Variants in FBXO4 observed in about 807,000 individuals in gnomAD.
The protein encoded by FBXO4 is F-box only protein 4.
A neutral mutation model predicts 43.7 loss-of-function variants in FBXO4; 36 were observed. The observed-to-expected ratio is 0.82, with a 90% CI of 0.63 to 1.09. FBXO4 has a LOEUF of 1.09. FBXO4 is among the 50% of genes least tolerant of loss of function. The pLI, the probability that FBXO4 is intolerant of heterozygous loss-of-function variation, is 0.00. For missense variants in FBXO4, 435 were observed against 474.1 expected (o/e 0.92, Z 0.77); for synonymous variants, 180 against 165.6 (o/e 1.09, Z -0.67).
the FBXO4 span, among the ~76,000 whole-genome samples, chr5:42,009,299 G>A: frequency 2.2e-4 from 33 of 151,902 alleles, no homozygotes; most frequent in Middle Eastern, 3.4e-3. Context: ...TAACTCTTGC[G>A]TTCCTTTGGC....
chr5:41,925,883 C>G (rs1210014625), intron 1 of FBXO4, among the ~76,000 whole-genome samples: 1 of 152,174 alleles, frequency 6.6e-6, no homozygotes, highest in Non-Finnish European at 1.5e-5. Flanking sequence ...GTCCCTGTTC[C>G]CAGCGTCTTT....
the FBXO4 span, chr5:41,967,154 C>T: frequency 2.4e-6 from 1 of 410,470 alleles, no homozygotes. Context: ...GTGGCTACTC[C>T]AAGCTCTTTA....
intron 3 of FBXO4, 85 bp from the exon 4 acceptor site, chr5:41,933,861 T>C (rs1751767365): frequency 9.1e-7 from 1 of 1,100,096 alleles, no homozygotes; most frequent in African/African-American, 1.6e-5. Context: ...CTTTACTCTT[T>C]TTGCTTTCAC....
chr5:41,934,205 T>C lies in FBXO4; in HGVS notation c.795T>C (p.Gly265=), dbSNP rs1486565381. 3 of 1,614,026 alleles carry C rather than the reference T, an allele frequency of 1.9e-6. No homozygotes were observed. The highest frequency in any genetic ancestry group is 2.2e-5 in the South Asian group (2 of 91,082). The change falls in exon 5 of 7, where the codon GGT becomes GGC. Residue 265 remains glycine, a synonymous_variant. Transcript: ENST00000281623. ...VNKMFSRHNE[G]DDQQGSRYSV... is the part of the protein sequence containing the mutation. ...AGATGTTCAGTCGACACAATGAAGG[T>C]GATGATCAACAAGGAAGCCGGTACA...
At chr5:42,018,569 T>C in the FBXO4 span, among the ~76,000 whole-genome samples, 70 of 152,158 alleles carry the variant, frequency 4.6e-4, no homozygotes, top group Non-Finnish European at 8.2e-4. Flanking sequence ...TTCTGTTTTT[T>C]ATAAAGTGTA....
chr5:41,967,427 C>T, the FBXO4 span: 3 of 560,068 alleles, frequency 5.4e-6, no homozygotes, highest in Non-Finnish European at 1.0e-5. Flanking sequence ...ATTTGGAACA[C>T]CTGCAACAGA....
At chr5:41,961,301 T>C in the FBXO4 span, among the ~76,000 whole-genome samples, 1 of 152,154 alleles carries the variant, frequency 6.6e-6, no homozygotes, top group Non-Finnish European at 1.5e-5. Context: ...TTTTTTTCTC[T>C]CACTGGGGAA....
intron 5 of FBXO4, among the ~76,000 whole-genome samples, chr5:41,938,689 C>G (rs185717247): frequency 6.6e-6 from 1 of 152,134 alleles, no homozygotes; most frequent in East Asian, 1.9e-4. Flanking sequence ...TGGTTGCATC[C>G]TTTTCTGGAG....
chr5:42,000,492 G>A, the FBXO4 span, among the ~76,000 whole-genome samples: 4 of 152,086 alleles, frequency 2.6e-5, no homozygotes, highest in African/African-American at 7.2e-5. Context: ...AATATCCCTT[G>A]TTGAATATAT....
the FBXO4 span, among the ~76,000 whole-genome samples, chr5:42,032,083 G>T: frequency 1.4e-5 from 2 of 146,384 alleles, no homozygotes; most frequent in Non-Finnish European, 3.0e-5. Flanking sequence ...GTGTGTGTGT[G>T]TGTGTGTGTG....
chr5:42,030,953 A>G, the FBXO4 span, among the ~76,000 whole-genome samples: 1 of 152,154 alleles, frequency 6.6e-6, no homozygotes, highest in Non-Finnish European at 1.5e-5. Context: ...AAAAGTCAGG[A>G]AACAACAGGT....
the FBXO4 span, among the ~76,000 whole-genome samples, chr5:42,033,816 T>A: frequency 6.6e-6 from 1 of 151,124 alleles, no homozygotes; most frequent in African/African-American, 2.4e-5. Context: ...TTTGCTATTG[T>A]AAATACTGCT....
the FBXO4 span, among the ~76,000 whole-genome samples, chr5:42,027,854 G>T: frequency 1.3e-5 from 2 of 151,778 alleles, no homozygotes; most frequent in Non-Finnish European, 2.9e-5. Flanking sequence ...AGTTCCTCTT[G>T]TTATTGACGT....
At chr5:41,996,543 C>T in the FBXO4 span, among the ~76,000 whole-genome samples, 2 of 152,192 alleles carry the variant, frequency 1.3e-5, no homozygotes, top group Admixed American at 1.3e-4. Context: ...GGCCCAAGTG[C>T]CAGAGCAGCT....
chr5:41,976,475 C>A, the FBXO4 span, among the ~76,000 whole-genome samples: 2 of 152,180 alleles, frequency 1.3e-5, no homozygotes, highest in Non-Finnish European at 2.9e-5. Flanking sequence ...CATTTCCATT[C>A]CAAAAGGGAG....
chr5:42,018,717 A>G, the FBXO4 span, among the ~76,000 whole-genome samples: 1 of 152,156 alleles, frequency 6.6e-6, no homozygotes, highest in East Asian at 1.9e-4. Flanking sequence ...TTTTTCCCCC[A>G]AAAGCATTGA....
At chr5:42,037,525 T>C in the FBXO4 span, among the ~76,000 whole-genome samples, 1 of 152,100 alleles carries the variant, frequency 6.6e-6, no homozygotes, top group African/African-American at 2.4e-5. Context: ...GGTCAGCTTG[T>C]TCTCTGACCC....
chr5:41,939,834 A>ATTTTTTTTTTT (rs60238550), intron 6 of FBXO4, among the ~76,000 whole-genome samples: 9 of 79,322 alleles, frequency 1.1e-4, no homozygotes, highest in East Asian at 3.5e-4. Context: ...ACAATTGGGG[A>ATTTTTTTTTTT]TTTTTTTTTT....
At chr5:41,971,221 TG>T in the FBXO4 span, among the ~76,000 whole-genome samples, 1 of 149,900 alleles carries the variant, frequency 6.7e-6, no homozygotes, top group African/African-American at 2.5e-5. Flanking sequence ...TGTGTGTGTG[TG>T]TGTGTGTGTG....
Sources: allele counts gnomAD v4.1 joint callset (sites outside exome capture counted in the v4.1 genomes callset), GRCh38; gene constraint gnomAD v4.1.1; transcripts MANE v1.5; gene names NCBI Gene and HGNC (gene_info 2026-07-23, HGNC 2026-07-21).